Variants in CARNMT1 observed in about 807,000 individuals in gnomAD.
CARNMT1 encodes the protein carnosine N-methyltransferase 1.
In CARNMT1, 28 loss-of-function variants were observed where a neutral mutation model predicts 49.6. The observed-to-expected ratio is 0.56, with a 90% CI of 0.42 to 0.77. CARNMT1 has a LOEUF of 0.77. Ranked by LOEUF, CARNMT1 falls within the 30% of genes least tolerant of loss-of-function variation. The probability of loss-of-function intolerance (pLI) is 0.00; values close to 1 mark genes in which losing one functional copy is unlikely to be tolerated. For synonymous variants in CARNMT1, 178 were observed against 175.0 expected (o/e 1.02, Z -0.13); for missense variants, 421 against 512.6 (o/e 0.82, Z 1.73).
chr9:75,002,407 T>C (rs1350948787), intron 3 of CARNMT1, among the ~76,000 whole-genome samples: 2 of 152,190 alleles, frequency 1.3e-5, no homozygotes, highest in Non-Finnish European at 2.9e-5. Context: ...TGAATCATAG[T>C]ACAGTACAGT....
intron 1 of CARNMT1, among the ~76,000 whole-genome samples, chr9:75,022,213 CTTTTTTT>C (rs35783706): frequency 3.2e-4 from 25 of 77,008 alleles, no homozygotes; most frequent in South Asian, 5.2e-4. Flanking sequence ...AGAAGGAATA[CTTTTTTT>C]TTTTTTTTTT....
chr9:75,007,658 G>A (rs1283584285), intron 3 of CARNMT1, among the ~76,000 whole-genome samples: 1 of 149,576 alleles, frequency 6.7e-6, no homozygotes, highest in Non-Finnish European at 1.5e-5. Context: ...GAACCGAGGA[G>A]GCAGAGGTTG....
At chr9:75,019,754 G>A (rs1040322932) in intron 1 of CARNMT1, among the ~76,000 whole-genome samples, 1 of 152,128 alleles carries the variant, frequency 6.6e-6, no homozygotes, top group African/African-American at 2.4e-5. Flanking sequence ...TGTATACCTT[G>A]CATGTAATTC....
intron 1 of CARNMT1, 45 bp downstream of exon 1, chr9:75,027,967 G>C: frequency 1.3e-6 from 2 of 1,512,076 alleles, no homozygotes; most frequent in Non-Finnish European, 1.8e-6. Context: ...CGCCACCAGT[G>C]GGCGCCCCGA....
chr9:75,002,631 G>A (rs1291918572), intron 3 of CARNMT1, among the ~76,000 whole-genome samples: 1 of 152,194 alleles, frequency 6.6e-6, no homozygotes, highest in African/African-American at 2.4e-5. Flanking sequence ...CACACTGCCT[G>A]TGGCATAGCC....
chr9:75,009,342 C>G, intron 3 of CARNMT1, among the ~76,000 whole-genome samples: 2 of 152,126 alleles, frequency 1.3e-5, no homozygotes, highest in Non-Finnish European at 2.9e-5. Context: ...AACTCCTGGG[C>G]TCAAGCAGTC....
At chr9:74,984,693 C>A (rs770509759) in intron 7 of CARNMT1, among the ~76,000 whole-genome samples, 1 of 152,062 alleles carries the variant, frequency 6.6e-6, no homozygotes, top group Non-Finnish European at 1.5e-5. Context: ...AGATATGTCA[C>A]GTATATGCAT....
In CARNMT1 at chr9:74,998,666, T is replaced by G; in HGVS notation, c.842A>C (p.His281Pro). 1 of 1,609,190 alleles carries G rather than the reference T, an allele frequency of 6.2e-7. No individual in the cohort carries two copies. The highest frequency in any genetic ancestry group is 1.1e-5 in the South Asian group (1 of 90,430). ...RPIFFPDVDP[H>P]SLPPGSNFSM... ...AAAGTTAGAACCAGGAGGAAGACTG[T>G]GGGGGTCAACATCAGGGAAAAAGAT... The change falls in exon 5 of 8, where the codon CAC becomes CCC. Residue 281 changes from histidine to proline, a missense_variant. Coordinates refer to ENST00000376834, the MANE Select transcript of CARNMT1 (RefSeq NM_152420.3).
At chr9:75,018,055 T>C (rs34783751) in intron 1 of CARNMT1, among the ~76,000 whole-genome samples, 34,957 of 152,034 alleles carry the variant, frequency 0.23, 4,468 homozygotes, top group East Asian at 0.38. Flanking sequence ...TTTTTACTTA[T>C]ATTTACTTAT....
At position 74,983,836 on chromosome 9, in the gene CARNMT1, A is replaced by G; in HGVS notation, c.1161T>C (p.Thr387=). The change falls in exon 8 of 8, where the codon ACT becomes ACC. Residue 387 remains threonine, a synonymous_variant. Transcript: ENST00000376834. ...ATTTCATCATAGAGAGATCATTCAC[A>G]GTATATGTTGACAATACAGATTCTT... ...VEKESVLSTY[T]VNDLSMMKYY... 1 of 1,605,812 alleles carries G rather than the reference A, an allele frequency of 6.2e-7. No individual in the cohort carries two copies. Among genetic ancestry groups the G allele is most frequent in the Non-Finnish European group, 8.5e-7 (1 of 1,175,614 alleles).
At chr9:75,005,028 T>C (rs1043000933) in intron 3 of CARNMT1, among the ~76,000 whole-genome samples, 2 of 152,224 alleles carry the variant, frequency 1.3e-5, no homozygotes, top group African/African-American at 4.8e-5. Flanking sequence ...CACTGAATTC[T>C]TATATTTAAA....
At chr9:74,993,840 G>C (rs1208659891) in intron 6 of CARNMT1, among the ~76,000 whole-genome samples, 1 of 152,022 alleles carries the variant, frequency 6.6e-6, no homozygotes, top group Non-Finnish European at 1.5e-5. Context: ...GAGAAACCCT[G>C]GAATAGAAGG....
chr9:75,000,110 TC>T (rs1270084058), intron 3 of CARNMT1, among the ~76,000 whole-genome samples: 3 of 151,792 alleles, frequency 2.0e-5, no homozygotes, highest in Non-Finnish European at 4.4e-5. Flanking sequence ...AAAAAAGGAG[TC>T]CCCTTACATC....
chr9:74,988,023 GTTCT>G (rs749797360), intron 6 of CARNMT1, among the ~76,000 whole-genome samples: 2 of 152,018 alleles, frequency 1.3e-5, no homozygotes, highest in Non-Finnish European at 2.9e-5. Context: ...TCCTCAAAGG[GTTCT>G]TTATTTTCTC....
At chr9:75,012,900 T>G (rs1222775675) in intron 3 of CARNMT1, among the ~76,000 whole-genome samples, 1 of 149,224 alleles carries the variant, frequency 6.7e-6, no homozygotes, top group Non-Finnish European at 1.5e-5. Flanking sequence ...CCTGGGCGAC[T>G]GAGCAAGACT....
intron 1 of CARNMT1, among the ~76,000 whole-genome samples, chr9:75,025,364 G>A (rs1435973503): frequency 1.3e-5 from 2 of 152,164 alleles, no homozygotes; most frequent in African/African-American, 4.8e-5. Flanking sequence ...AAAGCAACAG[G>A]AAGTGGCTAC....
intron 3 of CARNMT1, among the ~76,000 whole-genome samples, chr9:75,005,308 G>C (rs1291378429): frequency 1.4e-5 from 2 of 139,662 alleles, no homozygotes; most frequent in South Asian, 2.2e-4. Context: ...CTATACAAAA[G>C]CAAGTCGATC....
At chr9:75,020,127 G>A (rs189009764) in intron 1 of CARNMT1, among the ~76,000 whole-genome samples, 4 of 152,072 alleles carry the variant, frequency 2.6e-5, no homozygotes, top group East Asian at 3.9e-4. Context: ...TTAAAAACTA[G>A]GTGATTTATA....
intron 1 of CARNMT1, among the ~76,000 whole-genome samples, chr9:75,019,187 G>A (rs1833933946): frequency 6.6e-6 from 1 of 152,032 alleles, no homozygotes; most frequent in South Asian, 2.1e-4. Context: ...TCACTAAGAG[G>A]CCTGGGGAGT....
Sources: allele counts gnomAD v4.1 joint callset (sites outside exome capture counted in the v4.1 genomes callset), GRCh38; gene constraint gnomAD v4.1.1; transcripts MANE v1.5; gene names NCBI Gene and HGNC (gene_info 2026-07-23, HGNC 2026-07-21).